Variants in TANC1 observed in about 807,000 individuals in gnomAD.
TANC1 encodes protein TANC1.
Under a neutral mutation model 149.7 loss-of-function variants are expected in TANC1, and 77 were observed. That is an observed-to-expected ratio of 0.51 (90% CI 0.43 to 0.62). The LOEUF (loss-of-function observed/expected upper bound fraction) is 0.62, where lower values mean the gene tolerates loss of function less well. TANC1 is among the 20% of genes least tolerant of loss of function. The pLI is 0.00. For synonymous variants in TANC1, 854 were observed against 925.0 expected (o/e 0.92, Z 1.39); for missense variants, 1,985 against 2,321.8 (o/e 0.85, Z 2.98).
chr2:159,021,106 C>T (rs1485131099), intron 2 of TANC1, among the ~76,000 whole-genome samples: 4 of 152,106 alleles, frequency 2.6e-5, no homozygotes, highest in African/African-American at 9.7e-5. Flanking sequence ...TTAACAGTTA[C>T]CTGTGGCCAA....
intron 23 of TANC1, 128 bp downstream of exon 23, chr2:159,224,492 C>A: frequency 9.6e-7 from 1 of 1,036,522 alleles, no homozygotes; most frequent in Non-Finnish European, 1.4e-6. Context: ...AGATCTCTGT[C>A]TCAGTCTCAC....
rs1202023655 is a variant in TANC1, at chr2:159,231,483, A to C, written c.*471A>C. 6.4e-6 allele frequency: 1 copy of C among 155,938 alleles called. No individual in the cohort carries two copies. Among genetic ancestry groups the C allele is most frequent in the African/African-American group, 2.4e-5 (1 of 41,472 alleles). The allele number at this position is 155,938 out of a possible 1,614,324, so 9.7% of individuals were successfully genotyped here. ...GAGTCAAATCCCATTTTATATATACATAAAAATTAAGTTCTGAGTGAGTTC... is the reference window on the plus strand; with the variant it reads ...GAGTCAAATCCCATTTTATATATACCTAAAAATTAAGTTCTGAGTGAGTTC... On this transcript the variant is annotated 3_prime_UTR_variant, in exon 27 of 27. Transcript: ENST00000263635.
At chr2:159,143,627 G>C (rs1027078123) in intron 5 of TANC1, among the ~76,000 whole-genome samples, 2 of 141,232 alleles carry the variant, frequency 1.4e-5, no homozygotes, top group African/African-American at 5.3e-5. Context: ...TATCAGAGAA[G>C]AATTTCTATA....
intron 8 of TANC1, among the ~76,000 whole-genome samples, 199 bp from the exon 9 acceptor site, chr2:159,169,051 G>GAAGCATTT (rs1466537667): frequency 6.6e-6 from 1 of 152,126 alleles, no homozygotes; most frequent in African/African-American, 2.4e-5. Flanking sequence ...TTAAGAAAAA[G>GAAGCATTT]AAGCATTTGG....
Position 159,097,722 on chromosome 2 carries a change from G to A in TANC1, c.147G>A (p.Glu49=), listed in dbSNP as rs1306614210. ...CTGTGAGCAGTCTTCCCACAGCAGA[G>A]GACACCTATAGGGTGAGCTTGGCCA... is the stretch of plus-strand genomic sequence containing the variant. The part of the protein sequence containing the change: ...DSPVSSLPTA[E]DTYRVSLAKG... The change falls in exon 4 of 27, where the codon GAG becomes GAA. Residue 49 remains glutamate (E), a synonymous_variant. Coordinates refer to ENST00000263635, the MANE Select transcript of TANC1 (RefSeq NM_033394.3). The A allele has an allele frequency of 6.2e-7, 1 of 1,614,132 alleles. No homozygotes were observed. Among genetic ancestry groups the A allele is most frequent in the African/African-American group, 1.3e-5 (1 of 75,028 alleles).
intron 4 of TANC1, among the ~76,000 whole-genome samples, chr2:159,098,329 A>G (rs2046342731): frequency 6.6e-6 from 1 of 152,238 alleles, no homozygotes; most frequent in South Asian, 2.1e-4. Flanking sequence ...CCTAGGAGCA[A>G]TAGGCTATGC....
intron 1 of TANC1, among the ~76,000 whole-genome samples, chr2:158,972,751 G>A (rs576857806): frequency 2.0e-5 from 3 of 152,310 alleles, no homozygotes; most frequent in African/African-American, 7.2e-5. Context: ...TGGGAAGGAG[G>A]TGTAGTATAT....
chr2:159,128,332 C>T, intron 4 of TANC1, among the ~76,000 whole-genome samples: 1 of 152,294 alleles, frequency 6.6e-6, no homozygotes, highest in East Asian at 1.9e-4. Flanking sequence ...GGTGCCTTGT[C>T]CTTCATCCAT....
intron 20 of TANC1, 80 bp downstream of exon 20, chr2:159,217,710 A>C (rs1320275114): frequency 6.5e-7 from 1 of 1,539,916 alleles, no homozygotes; most frequent in African/African-American, 1.4e-5. Context: ...CTGAGAACAC[A>C]ATGCAGCTCC....
chr2:159,065,939 G>A lies in TANC1; in HGVS notation c.29G>A (p.Arg10Gln), dbSNP rs749870198. 4.9e-5 allele frequency: 79 copies of A among 1,613,946 alleles called. 1 individual carries two copies. The highest frequency in any genetic ancestry group is 5.9e-5 in the Non-Finnish European group (70 of 1,179,848). The change falls in exon 3 of 27, where the codon CGA becomes CAA. Residue 10 changes from arginine to glutamine, a missense_variant. Transcript: ENST00000263635. ...TTAAAGGCTGTGCTGAAGAAGAGCC[G>A]AGAGGGAGGAAAGGGAGGCAAGAAG... Reference protein sequence around the residue: MLKAVLKKSREGGKGGKKEA... With the variant: MLKAVLKKSQEGGKGGKKEA...
intron 1 of TANC1, among the ~76,000 whole-genome samples, chr2:158,973,823 A>G (rs1442806102): frequency 2.6e-5 from 4 of 152,216 alleles, no homozygotes; most frequent in African/African-American, 9.6e-5. Context: ...TCTTGAGGGC[A>G]GTGGACTTGT....
chr2:159,229,472 C>A, intron 26 of TANC1, 106 bp from the exon 27 acceptor site: 1 of 1,001,260 alleles, frequency 1.0e-6, no homozygotes, highest in Non-Finnish European at 1.5e-6. Context: ...GTTCAAAACT[C>A]ACTTGCTACC....
chr2:159,229,912 C>T lies in TANC1; in HGVS notation c.4486C>T (p.Gln1496Ter). The T allele has an allele frequency of 6.2e-7, 1 of 1,614,108 alleles. No homozygotes were observed. The highest frequency in any genetic ancestry group is 8.5e-7 in the Non-Finnish European group (1 of 1,180,042). Reference protein sequence around the residue: ...SYIRNLQEGLQSKGRPVSPQS... With the variant: ...SYIRNLQEGL ...CATCCGAAACCTTCAAGAAGGGTTA[C>T]AGTCCAAAGGAAGGCCGGTATCGCC... is the stretch of plus-strand genomic sequence containing the variant. Residue 1496 changes from glutamine (Q) to a stop codon, truncating the protein, a stop_gained, in exon 27 of 27, where the codon CAG becomes TAG. Transcript: ENST00000263635. LOFTEE classifies it low-confidence loss of function (END_TRUNC).
Position 159,232,095 on chromosome 2 carries a change from TATA to T in TANC1, c.*1084_*1086del, listed in dbSNP as rs2060353783. On this transcript the variant is annotated 3_prime_UTR_variant, in exon 27 of 27. Coordinates refer to ENST00000263635, the MANE Select transcript of TANC1 (RefSeq NM_033394.3). ...CCATGCTGGTTATTGCACTGAATGATATATTATTAGGGCATGTTAACAGTATAC... is the reference window on the plus strand; with the variant it reads ...CCATGCTGGTTATTGCACTGAATGATTTATTAGGGCATGTTAACAGTATAC... 6.5e-6 allele frequency: 1 copy of T among 152,780 alleles called. No homozygotes were observed. The highest frequency in any genetic ancestry group is 2.1e-4 in the South Asian group (1 of 4,832). The allele number at this position is 152,780 out of a possible 1,614,324, so 9.5% of individuals were successfully genotyped here.
intron 3 of TANC1, among the ~76,000 whole-genome samples, chr2:159,093,624 A>G (rs1358987371): frequency 6.6e-6 from 1 of 152,190 alleles, no homozygotes; most frequent in Non-Finnish European, 1.5e-5. Flanking sequence ...TTCTAATGAA[A>G]GGATACTGGA....
In TANC1 at chr2:159,170,728, C is replaced by T. The variant is rs1175001379; in HGVS notation, c.1274C>T (p.Ser425Phe). 6.2e-7 allele frequency: 1 copy of T among 1,614,162 alleles called. No homozygotes were observed. The highest frequency in any genetic ancestry group is 1.1e-5 in the South Asian group (1 of 91,080). ...NVGFGKTAII[S>F]KLVALSCHGS... ...GGATTTGGGAAGACGGCAATCATTTCCAAGTTGGTGGCCCTGAGCTGCCAC... is the reference window on the plus strand; with the variant it reads ...GGATTTGGGAAGACGGCAATCATTTTCAAGTTGGTGGCCCTGAGCTGCCAC... The change falls in exon 10 of 27, where the codon TCC (serine) becomes TTC (phenylalanine). Residue 425 changes from serine to phenylalanine, a missense_variant. Ser to Phe is a radical substitution (Grantham distance 155). Transcript: ENST00000263635.
chr2:159,041,280 C>G (rs1445471426), intron 2 of TANC1, among the ~76,000 whole-genome samples: 2 of 152,180 alleles, frequency 1.3e-5, no homozygotes, highest in Non-Finnish European at 1.5e-5. Context: ...TCTCAGAGCT[C>G]AAACACTGTA....
At chr2:159,176,247 C>A in intron 12 of TANC1, 105 bp from the exon 13 acceptor site, 1 of 597,318 alleles carries the variant, frequency 1.7e-6, no homozygotes, top group Non-Finnish European at 2.8e-6. Context: ...CATATGTAAA[C>A]CTTTTTAGTT....
intron 2 of TANC1, among the ~76,000 whole-genome samples, chr2:159,018,980 A>G (rs564556570): frequency 3.9e-5 from 6 of 152,360 alleles, no homozygotes; most frequent in South Asian, 4.1e-4. Flanking sequence ...TATTTCCTAT[A>G]TGTGTATCAG....
Sources: gnomAD v4.1 joint callset for allele counts (sites outside exome capture counted in the v4.1 genomes callset) on GRCh38, gnomAD v4.1.1 for gene constraint, MANE v1.5 for transcripts, NCBI Gene and HGNC (gene_info 2026-07-23, HGNC 2026-07-21) for gene names.